The following RTN1 variants were observed in gnomAD, a reference collection of about 807,000 sequenced individuals.
RTN1 encodes reticulon 1, also known as reticulon-1.
Under a neutral mutation model 65.5 loss-of-function variants are expected in RTN1, and 25 were observed. That is an observed-to-expected ratio of 0.38 (90% CI 0.28 to 0.53). The LOEUF is 0.53. Ranked by LOEUF, RTN1 falls within the 20% of genes least tolerant of loss-of-function variation. The pLI is 0.79. For missense variants in RTN1, 983 were observed against 1,025.4 expected (o/e 0.96, Z 0.57); for synonymous variants, 471 against 447.6 (o/e 1.05, Z -0.66).
chr14:59,640,573 C>G (rs551196821), intron 3 of RTN1, among the ~76,000 whole-genome samples: 189 of 152,240 alleles, frequency 1.2e-3, no homozygotes, highest in Non-Finnish European at 2.4e-3. Flanking sequence ...CCTCGGCCTC[C>G]CAAAGTGCTG....
chr14:59,607,217 A>G (rs1956372), intron 4 of RTN1, 68 bp downstream of exon 4: 433,515 of 1,382,740 alleles, frequency 0.31, 70,221 homozygotes, highest in South Asian at 0.41. Flanking sequence ...TGCATCTGTG[A>G]GCTGAAATAC....
intron 3 of RTN1, among the ~76,000 whole-genome samples, chr14:59,613,446 G>A (rs759992045): frequency 1.5e-4 from 23 of 151,984 alleles, no homozygotes; most frequent in African/African-American, 2.7e-4. Flanking sequence ...CTATAGGTGC[G>A]CGCAAACACG....
intron 3 of RTN1, among the ~76,000 whole-genome samples, chr14:59,716,102 T>C (rs1198192657): frequency 6.6e-6 from 1 of 152,232 alleles, no homozygotes; most frequent in Non-Finnish European, 1.5e-5. Flanking sequence ...GCCTATATTA[T>C]ATAGCATTAT....
rs548719330 is a variant in RTN1, at chr14:59,761,553, T to C, written c.242-15072A>G. ...AATTATCCAGTCTCAGGTATGTCCT[T>C]ATTAGCAGCCAGAGAACAGACTAAT... On this transcript the variant is annotated intron_variant, in intron 1 of 8. Coordinates refer to ENST00000267484, the MANE Select transcript of RTN1 (RefSeq NM_021136.3). 6.1e-4 allele frequency among the ~76,000 whole-genome samples: 93 copies of C among 152,340 alleles called. 4 individuals are homozygous for C. In the South Asian group the frequency reaches 0.019, roughly 32 times the overall value.
rs1294209104 is a variant in RTN1 at position 59,846,330 on chromosome 14, C to T, written c.241+24060G>A. Among the ~76,000 whole-genome samples, 1 of 152,136 alleles carries T rather than the reference C, an allele frequency of 6.6e-6. No homozygotes were observed. The highest frequency in any genetic ancestry group is 1.5e-5 in the Non-Finnish European group (1 of 68,022). ...TACAGCAGACATCACTCATTAATCC[C>T]GGCATTCTTTCCACAGCACTCTTCT... is the stretch of plus-strand genomic sequence containing the variant. On this transcript the variant is annotated intron_variant, in intron 1 of 8. Transcript: ENST00000267484. This position sits in a 1 kb window ranked among gnomAD's most constrained non-coding sequence, Gnocchi z 4.8.
chr14:59,750,405 ATT>A (rs1173492337), intron 1 of RTN1, among the ~76,000 whole-genome samples: 2 of 54,906 alleles, frequency 3.6e-5, no homozygotes, highest in Non-Finnish European at 6.0e-5. Flanking sequence ...TAATATATAT[ATT>A]ATATGTATAA....
At chr14:59,827,118 A>G (rs906999924) in intron 1 of RTN1, among the ~76,000 whole-genome samples, 1 of 152,006 alleles carries the variant, frequency 6.6e-6, no homozygotes, top group Non-Finnish European at 1.5e-5. Flanking sequence ...TCGCTCTGTC[A>G]CCCAGGCTGG....
intron 1 of RTN1, among the ~76,000 whole-genome samples, chr14:59,866,009 T>G (rs1887791658): frequency 6.6e-6 from 1 of 152,138 alleles, no homozygotes. Flanking sequence ...TATTTACTTA[T>G]CCTGTGTTGA....
At chr14:59,804,824 G>A (rs1886607279) in intron 1 of RTN1, among the ~76,000 whole-genome samples, 1 of 152,160 alleles carries the variant, frequency 6.6e-6, no homozygotes, top group South Asian at 2.1e-4. Context: ...AGGTGAATTG[G>A]TCAAGTGACT....
At position 59,746,096 on chromosome 14, in the gene RTN1, T is replaced by C. The variant is rs1339911126; in HGVS notation, c.627A>G (p.Glu209=). 4 of 1,613,710 alleles carry C rather than the reference T, an allele frequency of 2.5e-6. No homozygotes were observed. Among genetic ancestry groups the C allele is most frequent in the East Asian group, 4.5e-5 (2 of 44,886 alleles). Residue 209 remains glutamate, a synonymous_variant, in exon 2 of 9, where the codon GAA becomes GAG. Transcript: ENST00000267484. Reference sequence around the variant, plus strand: ...TATCTTCCAGCTCGGGGTGATGTTGTTCTTGGTGCTTCACCTCCTCGGGTC... The same window carrying C: ...TATCTTCCAGCTCGGGGTGATGTTGCTCTTGGTGCTTCACCTCCTCGGGTC... ...ITRPEEVKHQ[E]QHHPELEDKD...
chr14:59,728,432 C>G (rs975745592), intron 2 of RTN1, among the ~76,000 whole-genome samples: 2 of 151,876 alleles, frequency 1.3e-5, no homozygotes, highest in Non-Finnish European at 1.5e-5. Flanking sequence ...TCGAGAAGAA[C>G]AAAACCTGAG....
chr14:59,612,518 T>C (rs1308343325), intron 3 of RTN1, among the ~76,000 whole-genome samples: 3 of 152,250 alleles, frequency 2.0e-5, no homozygotes, highest in Non-Finnish European at 4.4e-5. Flanking sequence ...AGTCTTAGGC[T>C]GTAGCAAATG....
At chr14:59,710,423 A>G (rs1394140685) in intron 3 of RTN1, among the ~76,000 whole-genome samples, 1 of 152,210 alleles carries the variant, frequency 6.6e-6, no homozygotes, top group Admixed American at 6.5e-5. Context: ...AGTCCCTTTT[A>G]AAGAGAAGTT....
Position 59,607,494 on chromosome 14 carries a change from T to C in RTN1, c.1766-2A>G. On this transcript the variant is annotated splice_acceptor_variant, in intron 3 of 8. Transcript: ENST00000267484. LOFTEE classifies it high-confidence loss of function. ...CCCGCCAATACAACAGGTCAATAGC[T>C]GCAGGAGACACCAAACACACCCAGC... 6.2e-7 allele frequency: 1 copy of C among 1,600,940 alleles called. No homozygotes were observed. The highest frequency in any genetic ancestry group is 8.5e-7 in the Non-Finnish European group (1 of 1,173,600).
At chr14:59,668,186 C>A (rs1021620640) in intron 3 of RTN1, among the ~76,000 whole-genome samples, 22 of 152,182 alleles carry the variant, frequency 1.4e-4, no homozygotes, top group Admixed American at 3.3e-4. Context: ...AGGCATCATG[C>A]TACCTGACTT....
intron 1 of RTN1, 78 bp from the exon 2 acceptor site, chr14:59,746,559 C>A: frequency 7.9e-7 from 1 of 1,261,250 alleles, no homozygotes; most frequent in Non-Finnish European, 1.1e-6. Context: ...ACCACCCACC[C>A]CTGCCTGGTG....
rs770537807 is a variant in RTN1 at position 59,727,513 on chromosome 14, C to A, written c.1171G>T (p.Gly391Ter). Reference sequence around the variant, plus strand: ...AGGGGGCTGGGGATGGTTGGCGGTCCGGACCTGGCCTTGACCTCGGGCCTG... The same window carrying A: ...AGGGGGCTGGGGATGGTTGGCGGTCAGGACCTGGCCTTGACCTCGGGCCTG... ...ADRPEVKARS[G>*]PPTIPSPLDH... The change falls in exon 3 of 9, where the codon GGA (glycine) becomes TGA (stop). Residue 391 changes from glycine (G) to a stop codon, truncating the protein, a stop_gained. Coordinates refer to ENST00000267484, the MANE Select transcript of RTN1 (RefSeq NM_021136.3). LOFTEE classifies it high-confidence loss of function. The surrounding 1 kb of genome is among the most constrained non-coding windows in gnomAD (Gnocchi z 4.2). The A allele has an allele frequency of 1.2e-6, 2 of 1,601,570 alleles. No individual in the cohort carries two copies. The highest frequency in any genetic ancestry group is 1.7e-6 in the Non-Finnish European group (2 of 1,174,920).
At chr14:59,654,922 T>C (rs1209021555) in intron 3 of RTN1, among the ~76,000 whole-genome samples, 2 of 152,190 alleles carry the variant, frequency 1.3e-5, no homozygotes, top group African/African-American at 2.4e-5. Flanking sequence ...GATTGTCTAT[T>C]CTCACAACTT....
At chr14:59,631,314 A>C (rs1882549148) in intron 3 of RTN1, among the ~76,000 whole-genome samples, 1 of 152,188 alleles carries the variant, frequency 6.6e-6, no homozygotes, top group Non-Finnish European at 1.5e-5. Flanking sequence ...TAGACCCCAG[A>C]CCAAAGCCCT....
Sources: gnomAD v4.1 joint callset for allele counts (sites outside exome capture counted in the v4.1 genomes callset) on GRCh38, gnomAD v4.1.1 for gene constraint, Gnocchi (gnomAD v3.1) non-coding constraint, MANE v1.5 for transcripts, NCBI Gene and HGNC (gene_info 2026-07-23, HGNC 2026-07-21) for gene names.